ANKHD1: variants seen among roughly 807,000 people sequenced by gnomAD.
The protein encoded by ANKHD1 is ankyrin repeat and KH domain containing 1, also known as ankyrin repeat and KH domain-containing protein 1.
Under a neutral mutation model 230.5 loss-of-function variants are expected in ANKHD1, and 31 were observed. The observed-to-expected ratio is 0.13, with a 90% CI of 0.10 to 0.18. The LOEUF is 0.18. ANKHD1 is among the 10% of genes least tolerant of loss of function. The pLI is 1.00. For missense variants in ANKHD1, 2,256 were observed against 3,071.3 expected (o/e 0.73, Z 6.27); for synonymous variants, 1,074 against 1,117.6 (o/e 0.96, Z 0.78).
chr5:140,473,232 G>A (rs986755439), intron 10 of ANKHD1, among the ~76,000 whole-genome samples: 1 of 151,812 alleles, frequency 6.6e-6, no homozygotes, highest in Non-Finnish European at 1.5e-5. Flanking sequence ...GTTTCACCAT[G>A]TTGGCTGGGC....
Position 140,529,660 on chromosome 5 carries a change from T to C in ANKHD1, c.6714T>C (p.Ala2238=). The C allele has an allele frequency of 1.2e-6, 2 of 1,614,232 alleles. No homozygotes were observed. Among genetic ancestry groups the C allele is most frequent in the East Asian group, 2.2e-5 (1 of 44,888 alleles). Reference sequence around the variant, plus strand: ...ATGGTCCACTGTCCTCACGAGTTGCTACAGATGCCTCTTTCACTGTTCAGT... The same window carrying C: ...ATGGTCCACTGTCCTCACGAGTTGCCACAGATGCCTCTTTCACTGTTCAGT... ...WGDGPLSSRV[A]TDASFTVQSA... Residue 2238 remains alanine, a synonymous_variant, in exon 29 of 34, where the codon GCT becomes GCC. Transcript: ENST00000360839.
chr5:140,469,220 T>C (rs1345185206), intron 10 of ANKHD1, among the ~76,000 whole-genome samples: 3 of 151,594 alleles, frequency 2.0e-5, no homozygotes, highest in African/African-American at 4.8e-5. Flanking sequence ...AAAAATCTTC[T>C]TGCCTGGCAC....
intron 6 of ANKHD1, 132 bp from the exon 7 acceptor site, chr5:140,449,079 G>A: frequency 2.1e-6 from 2 of 935,170 alleles, no homozygotes; most frequent in Non-Finnish European, 1.6e-6. Flanking sequence ...AACTGTTACT[G>A]ATTTATTTAT....
At chr5:140,525,481 T>C (rs948193586) in intron 25 of ANKHD1, among the ~76,000 whole-genome samples, 3 of 152,144 alleles carry the variant, frequency 2.0e-5, no homozygotes, top group Non-Finnish European at 4.4e-5. Context: ...CAGGAGATCT[T>C]GAACTCTTGA....
In ANKHD1 at chr5:140,496,777, T is replaced by C. The variant is rs777308145; in HGVS notation, c.2503T>C (p.Leu835=). 2.5e-6 allele frequency: 4 copies of C among 1,613,854 alleles called. No homozygotes were observed. The highest frequency in any genetic ancestry group is 1.7e-5 in the Admixed American group (1 of 59,988). The change falls in exon 15 of 34, where the codon TTG becomes CTG. Residue 835 remains leucine (L), a synonymous_variant. Transcript: ENST00000360839. ...GCAAGTCCAGAAGAAGAAGAAAATA[T>C]TGAAAGAACTGCAGAAAGTGGAAAG... ...EEQVQKKKKI[L]KELQKVERQL...
chr5:140,472,514 TA>T, intron 10 of ANKHD1: 7 of 1,194,250 alleles, frequency 5.9e-6, no homozygotes, highest in South Asian at 3.0e-5. Flanking sequence ...GTGATATTCC[TA>T]AAAAAATCTC....
intron 24 of ANKHD1, 149 bp from the exon 25 acceptor site, chr5:140,523,917 T>A: frequency 9.4e-7 from 1 of 1,064,528 alleles, no homozygotes; most frequent in Non-Finnish European, 1.3e-6. Flanking sequence ...ATTTTGATGG[T>A]GTCCAGTTTA....
At chr5:140,411,501 T>G (rs557720576) in intron 1 of ANKHD1, among the ~76,000 whole-genome samples, 6 of 151,868 alleles carry the variant, frequency 4.0e-5, no homozygotes, top group Non-Finnish European at 7.4e-5. Context: ...GGAAAAGTTT[T>G]TTTTTTTTTT....
intron 1 of ANKHD1, among the ~76,000 whole-genome samples, chr5:140,420,404 C>G (rs1771882675): frequency 6.6e-6 from 1 of 152,080 alleles, no homozygotes; most frequent in Non-Finnish European, 1.5e-5. Flanking sequence ...ATTGCGTAAT[C>G]CAAGATGACA....
At chr5:140,522,581 ACT>A (rs1276502759) in intron 24 of ANKHD1, among the ~76,000 whole-genome samples, 1 of 152,172 alleles carries the variant, frequency 6.6e-6, no homozygotes, top group African/African-American at 2.4e-5. Context: ...TCCTAGAATA[ACT>A]CTACTTGATC....
chr5:140,493,253 C>T lies in ANKHD1; in HGVS notation c.2246-3267C>T, dbSNP rs138801909. On this transcript the variant is annotated intron_variant, in intron 14 of 33. Transcript: ENST00000360839. ...GCTAATTTTACATTTTTAGAAGAGA[C>T]GGGGTTTCTCCATGTTGGTCAGGCT... is the stretch of plus-strand genomic sequence containing the variant. Among the ~76,000 whole-genome samples, 464 of 152,240 alleles carry T rather than the reference C, an allele frequency of 3.0e-3. 1 individual carries two copies. The highest frequency in any genetic ancestry group is 0.011 in the African/African-American group (451 of 41,536).
intron 24 of ANKHD1, among the ~76,000 whole-genome samples, chr5:140,514,688 C>T (rs1224671950): frequency 2.0e-5 from 3 of 151,918 alleles, no homozygotes; most frequent in East Asian, 1.9e-4. Context: ...TCCCAATTTA[C>T]GGCTGGGAGC....
chr5:140,530,701 G>T (rs1662754911), intron 29 of ANKHD1, among the ~76,000 whole-genome samples: 2 of 152,208 alleles, frequency 1.3e-5, no homozygotes, highest in Admixed American at 1.3e-4. Context: ...ATTTTCTATG[G>T]TTTAAGAGCC....
intron 24 of ANKHD1, among the ~76,000 whole-genome samples, chr5:140,522,462 C>T (rs1365884649): frequency 2.6e-5 from 4 of 152,066 alleles, no homozygotes; most frequent in Admixed American, 1.3e-4. Flanking sequence ...TAGCTTACTA[C>T]GTTTTTTTAA....
chr5:140,484,899 A>G (rs1219917528), intron 11 of ANKHD1: 2 of 581,660 alleles, frequency 3.4e-6, no homozygotes, highest in Non-Finnish European at 4.9e-6. Flanking sequence ...AGGGAGCACA[A>G]GATGGGGCTT....
At chr5:140,410,014 CTT>C (rs1278431333) in intron 1 of ANKHD1, among the ~76,000 whole-genome samples, 1 of 151,964 alleles carries the variant, frequency 6.6e-6, no homozygotes, top group Non-Finnish European at 1.5e-5. Flanking sequence ...TTTTGGGAAA[CTT>C]TAAGTATGAG....
chr5:140,538,878 ATAG>A (rs778087084), intron 32 of ANKHD1, 38 bp from the exon 33 acceptor site: 2 of 1,432,326 alleles, frequency 1.4e-6, no homozygotes, highest in African/African-American at 2.9e-5. Context: ...TTTATAATTT[ATAG>A]TAATTTTAAG....
chr5:140,438,439 G>T (rs868256800), intron 2 of ANKHD1, 22 bp from the exon 3 acceptor site: 3 of 1,566,168 alleles, frequency 1.9e-6, no homozygotes, highest in African/African-American at 1.4e-5. Flanking sequence ...TGCACTACCT[G>T]ATTGATTGAT....
intron 24 of ANKHD1, 83 bp downstream of exon 24, chr5:140,513,562 A>G: frequency 3.6e-6 from 5 of 1,401,458 alleles, no homozygotes; most frequent in Non-Finnish European, 4.8e-6. Context: ...TGATCCCAGC[A>G]CTTCAGAAGG....
Sources: gnomAD v4.1 joint callset for allele counts (sites outside exome capture counted in the v4.1 genomes callset) on GRCh38, gnomAD v4.1.1 for gene constraint, MANE v1.5 for transcripts, NCBI Gene and HGNC (gene_info 2026-07-23, HGNC 2026-07-21) for gene names.